Variants in CCBE1 observed in about 807,000 individuals in gnomAD.
The protein encoded by CCBE1 is collagen and calcium-binding EGF domain-containing protein 1.
CCBE1 carries 37 observed loss-of-function variants against 50.0 expected under a neutral mutation model. The ratio of observed to expected loss-of-function variants is 0.74; its 90% CI spans 0.57 to 0.97. The LOEUF is 0.97. Among genes scored for constraint, CCBE1 ranks in the 50% least tolerant of loss-of-function variants. The probability of loss-of-function intolerance (pLI) is 0.00; values close to 1 mark genes in which losing one functional copy is unlikely to be tolerated. For missense variants in CCBE1, 538 were observed against 523.8 expected, an observed-to-expected ratio of 1.03 and a Z score of -0.26; for synonymous variants, 234 against 203.7, an observed-to-expected ratio of 1.15 and a Z score of -1.27.
intron 2 of CCBE1, among the ~76,000 whole-genome samples, chr18:59,678,864 G>A (rs190361797): frequency 1.3e-5 from 2 of 152,252 alleles, no homozygotes; most frequent in South Asian, 2.1e-4. Flanking sequence ...CTAATGTATC[G>A]AGTGTTGACT....
chr18:59,569,625 C>A (rs1430685258), intron 2 of CCBE1, among the ~76,000 whole-genome samples: 1 of 133,198 alleles, frequency 7.5e-6, no homozygotes, highest in African/African-American at 2.8e-5. Flanking sequence ...TTCATCTCCC[C>A]CCGCCCTTTT....
At chr18:59,658,802 C>A (rs566407605) in intron 2 of CCBE1, among the ~76,000 whole-genome samples, 8 of 146,382 alleles carry the variant, frequency 5.5e-5, no homozygotes, top group African/African-American at 7.5e-5. Flanking sequence ...ATCCCTTGAA[C>A]CCGGGCAGTG....
intron 2 of CCBE1, among the ~76,000 whole-genome samples, chr18:59,573,284 A>ATATATAT (rs2052943061): frequency 1.1e-5 from 1 of 93,724 alleles, no homozygotes; most frequent in African/African-American, 4.4e-5. Context: ...GACTCCGTCT[A>ATATATAT]ATATATATAT....
chr18:59,463,678 C>T (rs1376238788), intron 5 of CCBE1, among the ~76,000 whole-genome samples: 4 of 152,214 alleles, frequency 2.6e-5, no homozygotes, highest in African/African-American at 4.8e-5. Context: ...GTGGGCGGGG[C>T]CAGGTCCTAT....
intron 2 of CCBE1, among the ~76,000 whole-genome samples, chr18:59,497,927 G>A (rs1272843161): frequency 6.6e-6 from 1 of 152,162 alleles, no homozygotes; most frequent in East Asian, 1.9e-4. Context: ...TCCTGTCCAG[G>A]GCTCTAAACA....
intron 7 of CCBE1, among the ~76,000 whole-genome samples, chr18:59,444,134 T>TTATCCATTGATAGACACCTGGGTTA (rs1910568736): frequency 6.6e-6 from 1 of 151,390 alleles, no homozygotes; most frequent in Non-Finnish European, 1.5e-5. Flanking sequence ...TTTTCCATTC[T>TTATCCATTGATAGACACCTGGGTTA]TATCCATTGA....
At chr18:59,580,680 G>C (rs955806296) in intron 2 of CCBE1, among the ~76,000 whole-genome samples, 1 of 152,224 alleles carries the variant, frequency 6.6e-6, no homozygotes, top group Non-Finnish European at 1.5e-5. Context: ...GTGTCTGGAC[G>C]AGGGTGGGGG....
intron 2 of CCBE1, among the ~76,000 whole-genome samples, chr18:59,662,688 A>G (rs1483095588): frequency 6.6e-6 from 1 of 152,270 alleles, no homozygotes; most frequent in Non-Finnish European, 1.5e-5. Context: ...GCCCAGTCAT[A>G]AAGTGCAGGC....
At chr18:59,457,158 A>AAC (rs1911233575) in intron 5 of CCBE1, among the ~76,000 whole-genome samples, 1 of 152,226 alleles carries the variant, frequency 6.6e-6, no homozygotes, top group East Asian at 1.9e-4. Flanking sequence ...TAACCAACAT[A>AAC]ACAGGGCCAT....
intron 2 of CCBE1, among the ~76,000 whole-genome samples, chr18:59,498,807 AAACAG>A (rs1913476699): frequency 6.6e-6 from 1 of 152,220 alleles, no homozygotes; most frequent in Non-Finnish European, 1.5e-5. Context: ...TAAGATTGAT[AAACAG>A]ATGCATTTCT....
intron 2 of CCBE1, among the ~76,000 whole-genome samples, chr18:59,573,135 A>C (rs1197852967): frequency 6.6e-6 from 1 of 151,334 alleles, no homozygotes; most frequent in Non-Finnish European, 1.5e-5. Flanking sequence ...AAATACAAAA[A>C]TAAGCCAGGT....
At chr18:59,574,595 T>A (rs991797157) in intron 2 of CCBE1, among the ~76,000 whole-genome samples, 12 of 152,244 alleles carry the variant, frequency 7.9e-5, no homozygotes, top group Non-Finnish European at 1.5e-4. Flanking sequence ...TAAACTTCTA[T>A]ACTCTATTTT....
intron 2 of CCBE1, among the ~76,000 whole-genome samples, chr18:59,689,053 G>T (rs1252861314): frequency 6.6e-6 from 1 of 152,150 alleles, no homozygotes; most frequent in Non-Finnish European, 1.5e-5. Flanking sequence ...GTGTTCTTTT[G>T]CAATGCTTTC....
chr18:59,665,881 A>C (rs1286790052), intron 2 of CCBE1, among the ~76,000 whole-genome samples: 1 of 152,216 alleles, frequency 6.6e-6, no homozygotes, highest in East Asian at 1.9e-4. Context: ...TGTGTGGGCC[A>C]AGTTAATTTT....
At chr18:59,514,618 GTT>G (rs5825344) in intron 2 of CCBE1, among the ~76,000 whole-genome samples, 1 of 120,312 alleles carries the variant, frequency 8.3e-6, no homozygotes, top group Non-Finnish European at 1.6e-5. Flanking sequence ...ATGCTCTCCT[GTT>G]TTTTTTTTTT....
At chr18:59,696,428 CAA>C in intron 2 of CCBE1, 199 bp downstream of exon 2, 2 of 1,383,044 alleles carry the variant, frequency 1.4e-6, no homozygotes, top group Non-Finnish European at 1.9e-6. Context: ...ACCCTAGACG[CAA>C]AGTCAGTTGC....
At chr18:59,607,100 G>GCC (rs1276309352) in intron 2 of CCBE1, among the ~76,000 whole-genome samples, 1 of 149,830 alleles carries the variant, frequency 6.7e-6, no homozygotes, top group African/African-American at 2.5e-5. Flanking sequence ...CACTGCATCA[G>GCC]TCAGTCCAAT....
chr18:59,599,506 C>T (rs1173407646), intron 2 of CCBE1, among the ~76,000 whole-genome samples: 2 of 152,274 alleles, frequency 1.3e-5, no homozygotes, highest in South Asian at 2.1e-4. Flanking sequence ...ATCCTCATCA[C>T]CACTGTATAA....
chr18:59,573,309 A>C (rs1426133114), intron 2 of CCBE1, among the ~76,000 whole-genome samples: 1 of 142,432 alleles, frequency 7.0e-6, no homozygotes, highest in East Asian at 2.0e-4. Context: ...ATATGTATGT[A>C]TGTGATAGGC....
Sources: gnomAD v4.1 joint callset for allele counts (sites outside exome capture counted in the v4.1 genomes callset) on GRCh38, gnomAD v4.1.1 for gene constraint, MANE v1.5 for transcripts, NCBI Gene and HGNC (gene_info 2026-07-23, HGNC 2026-07-21) for gene names.